EFCAB8: variants seen among roughly 807,000 people sequenced by gnomAD.
EFCAB8 encodes the protein EF-hand calcium-binding domain-containing protein 8.
A neutral mutation model predicts 116.3 loss-of-function variants in EFCAB8; 100 were observed. The observed-to-expected ratio is 0.86, with a 90% CI of 0.73 to 1.02. EFCAB8 has a LOEUF of 1.02. Among genes scored for constraint, EFCAB8 ranks in the 50% least tolerant of loss-of-function variants. The probability of loss-of-function intolerance (pLI) is 0.00; values close to 1 mark genes in which losing one functional copy is unlikely to be tolerated. For missense variants in EFCAB8, 1,320 were observed against 1,416.9 expected (o/e 0.93, Z 1.10); for synonymous variants, 558 against 567.9 (o/e 0.98, Z 0.25).
chr20:32,907,799 G>A (rs747703671), intron 13 of EFCAB8, among the ~76,000 whole-genome samples: 24 of 152,148 alleles, frequency 1.6e-4, no homozygotes, highest in Non-Finnish European at 1.5e-4. Flanking sequence ...AAGAAGTCAG[G>A]GTCTTGGAGG....
intron 22 of EFCAB8, among the ~76,000 whole-genome samples, chr20:32,933,997 C>G (rs1293617140): frequency 1.4e-5 from 2 of 142,856 alleles, no homozygotes; most frequent in Admixed American, 7.4e-5. Flanking sequence ...TCAATCAAAT[C>G]AAAGCAAATC....
chr20:32,913,979 G>T (rs1246180344), intron 17 of EFCAB8, among the ~76,000 whole-genome samples: 1 of 152,242 alleles, frequency 6.6e-6, no homozygotes, highest in African/African-American at 2.4e-5. Flanking sequence ...CTACAGATTT[G>T]GGGAGCCTTG....
chr20:32,864,466 C>G (rs1276925483), intron 2 of EFCAB8, among the ~76,000 whole-genome samples: 1 of 152,144 alleles, frequency 6.6e-6, no homozygotes, highest in Non-Finnish European at 1.5e-5. Context: ...CCTGTGGTCC[C>G]CGCTACTCCA....
chr20:32,917,569 G>A, intron 18 of EFCAB8, 64 bp downstream of exon 18: 2 of 1,433,090 alleles, frequency 1.4e-6, no homozygotes, highest in Non-Finnish European at 1.9e-6. Context: ...AATCCTGTGG[G>A]GCAGGGAGGG....
intron 1 of EFCAB8, among the ~76,000 whole-genome samples, chr20:32,861,618 G>T (rs1439459396): frequency 6.6e-6 from 1 of 152,200 alleles, no homozygotes; most frequent in African/African-American, 2.4e-5. Flanking sequence ...ATTGCCATGA[G>T]CCTGGTGTGG....
chr20:32,954,336 C>T (rs1271927571), intron 23 of EFCAB8, among the ~76,000 whole-genome samples: 1 of 152,108 alleles, frequency 6.6e-6, no homozygotes, highest in Non-Finnish European at 1.5e-5. Flanking sequence ...CAGTTTTACT[C>T]TTTTGCATGT....
At chr20:32,889,770 G>A (rs1037668333) in intron 7 of EFCAB8, among the ~76,000 whole-genome samples, 1 of 152,044 alleles carries the variant, frequency 6.6e-6, no homozygotes, top group African/African-American at 2.4e-5. Context: ...AGGAGGCCGA[G>A]GCAGGCGGAT....
At chr20:32,882,027 G>A (rs968098073) in intron 5 of EFCAB8, among the ~76,000 whole-genome samples, 46 of 152,154 alleles carry the variant, frequency 3.0e-4, no homozygotes, top group African/African-American at 1.1e-3. Flanking sequence ...GTGAAACCCT[G>A]TCTCTACTAA....
At chr20:32,909,731 G>C in intron 14 of EFCAB8, 90 bp from the exon 15 acceptor site, 1 of 587,302 alleles carries the variant, frequency 1.7e-6, no homozygotes, top group South Asian at 9.3e-5. Flanking sequence ...TCTTGATGTC[G>C]TGATTTATTG....
intron 6 of EFCAB8, among the ~76,000 whole-genome samples, chr20:32,888,193 A>G (rs1478065272): frequency 4.6e-5 from 7 of 151,584 alleles, no homozygotes; most frequent in African/African-American, 1.7e-4. Flanking sequence ...CCTCCCAAGT[A>G]GCTGGGACTA....
chr20:32,954,622 T>C (rs1988906252), intron 23 of EFCAB8, among the ~76,000 whole-genome samples: 2 of 152,250 alleles, frequency 1.3e-5, no homozygotes, highest in African/African-American at 4.8e-5. Context: ...TTCTCTTAGA[T>C]TTCCCTCTAG....
intron 23 of EFCAB8, 59 bp downstream of exon 23, chr20:32,943,863 T>A (rs1481715520): frequency 7.2e-6 from 3 of 415,906 alleles, no homozygotes; most frequent in East Asian, 7.1e-5. Flanking sequence ...TGTCCCTGTC[T>A]GAACATAAGC....
At chr20:32,884,948 C>T (rs946297196) in intron 5 of EFCAB8, among the ~76,000 whole-genome samples, 3 of 152,192 alleles carry the variant, frequency 2.0e-5, no homozygotes, top group Non-Finnish European at 2.9e-5. Flanking sequence ...CGGCCTCCTG[C>T]GAGGCCAGGC....
At position 32,906,928 on chromosome 20, in the gene EFCAB8, C is replaced by T. The variant is rs1354894938; in HGVS notation, c.1242C>T (p.Thr414=). The change falls in exon 13 of 27, where the codon ACC becomes ACT. Residue 414 remains threonine, a synonymous_variant. Transcript: ENST00000400522. ...RPVWLMKGHQ[T]SVTHILVDSR... ...TGTGGCTGATGAAGGGACACCAGAC[C>T]TCAGTGACGCACATCCTTGTGGATA... 2.6e-6 allele frequency: 4 copies of T among 1,549,722 alleles called. No homozygotes were observed. Among genetic ancestry groups the T allele is most frequent in the African/African-American group, 1.4e-5 (1 of 73,030 alleles).
intron 23 of EFCAB8, among the ~76,000 whole-genome samples, chr20:32,950,407 TA>T (rs1988763377): frequency 6.6e-6 from 1 of 152,190 alleles, no homozygotes; most frequent in Non-Finnish European, 1.5e-5. Context: ...GACTTCACTG[TA>T]AGAATTAAAG....
intron 17 of EFCAB8, 121 bp downstream of exon 17, chr20:32,912,985 T>C: frequency 1.6e-6 from 1 of 640,332 alleles, no homozygotes; most frequent in Non-Finnish European, 2.9e-6. Context: ...TAGTGGTGGT[T>C]AATGACTATT....
chr20:32,950,972 T>C (rs1392189431), intron 23 of EFCAB8, among the ~76,000 whole-genome samples: 4 of 152,144 alleles, frequency 2.6e-5, no homozygotes, highest in Non-Finnish European at 5.9e-5. Flanking sequence ...AGGAAATATA[T>C]AGAAGCATGG....
At chr20:32,911,444 C>A in intron 15 of EFCAB8, 36 bp from the exon 16 acceptor site, 1 of 1,440,456 alleles carries the variant, frequency 6.9e-7, no homozygotes, top group Non-Finnish European at 9.2e-7. Flanking sequence ...GAGGCCCCGG[C>A]CTCTCCAGCA....
At chr20:32,926,354 C>G (rs572750400) in intron 20 of EFCAB8, among the ~76,000 whole-genome samples, 1 of 151,340 alleles carries the variant, frequency 6.6e-6, no homozygotes, top group South Asian at 2.1e-4. Context: ...GTTGTGTGCA[C>G]GTTAAATTTT....
Sources: gnomAD v4.1 joint callset for allele counts (sites outside exome capture counted in the v4.1 genomes callset) on GRCh38, gnomAD v4.1.1 for gene constraint, MANE v1.5 for transcripts, NCBI Gene and HGNC (gene_info 2026-07-23, HGNC 2026-07-21) for gene names.